Variants in FAM83F observed in about 807,000 individuals in gnomAD.
The protein encoded by FAM83F is scaffolding CK1 anchoring protein F.
In FAM83F, 45 loss-of-function variants were observed where a neutral mutation model predicts 42.9. The observed-to-expected ratio is 1.05, with a 90% CI of 0.83 to 1.35. FAM83F has a LOEUF of 1.35. Among genes scored for constraint, FAM83F ranks in the 40% most tolerant of loss-of-function variants. The pLI is 0.00. For synonymous variants in FAM83F, 306 were observed against 298.3 expected (o/e 1.03, Z -0.27); for missense variants, 617 against 695.9 (o/e 0.89, Z 1.28).
chr22:40,021,796 G>T lies in FAM83F; in HGVS notation c.1286G>T (p.Arg429Leu), dbSNP rs149330550. 4 of 1,611,894 alleles carry T rather than the reference G, an allele frequency of 2.5e-6. No homozygotes were observed. Among genetic ancestry groups the T allele is most frequent in the South Asian group, 2.2e-5 (2 of 90,962 alleles). ...PSRNGMGEAARGEAAPARRFS... is the reference protein window; with the variant it reads ...PSRNGMGEAALGEAAPARRFS... ...CGAAACGGCATGGGAGAAGCGGCCC[G>T]GGGGGAGGCCGCCCCCGCCAGGCGC... The change falls in exon 4 of 5, where the codon CGG becomes CTG. Residue 429 changes from arginine to leucine, a missense_variant. Transcript: ENST00000333407. The surrounding 1 kb of genome is among the most constrained non-coding windows in gnomAD (Gnocchi z 8.7).
Position 40,021,841 on chromosome 22 carries a change from G to T in FAM83F, c.1331G>T (p.Ser444Ile). ...AGGCGCTTCAGCAGCAGGCTCTTCA[G>T]TCGCCGAGCCAAGAGGCCTGCGGCG... ...PARRFSSRLFSRRAKRPAAPN... is the reference protein window; with the variant it reads ...PARRFSSRLFIRRAKRPAAPN... Residue 444 changes from serine to isoleucine, a missense_variant, in exon 4 of 5, where the codon AGT becomes ATT. Ser to Ile is a moderately radical substitution (Grantham distance 142). Coordinates refer to ENST00000333407, the MANE Select transcript of FAM83F (RefSeq NM_138435.4). This position sits in a 1 kb window ranked among gnomAD's most constrained non-coding sequence, Gnocchi z 8.7. 3.7e-6 allele frequency: 6 copies of T among 1,612,564 alleles called. No homozygotes were observed. Among genetic ancestry groups the T allele is most frequent in the Non-Finnish European group, 5.1e-6 (6 of 1,179,674 alleles).
Position 40,030,154 on chromosome 22 carries a change from A to G in FAM83F, c.*589A>G, listed in dbSNP as rs1321004731. 6.5e-6 allele frequency: 1 copy of G among 153,254 alleles called. No individual in the cohort carries two copies. Among genetic ancestry groups the G allele is most frequent in the Non-Finnish European group, 1.5e-5 (1 of 68,718 alleles). 9.5% of individuals were successfully genotyped at this position (153,254 alleles called of 1,614,324 possible). ...TGGCCCCATCCCTGCAGGCTCCTGA[A>G]CTAGACTTGAATGAGGGTAAGATCC... On this transcript the variant is annotated 3_prime_UTR_variant, in exon 5 of 5. Coordinates refer to ENST00000333407, the MANE Select transcript of FAM83F (RefSeq NM_138435.4).
Position 40,019,329 on chromosome 22 carries a change from G to A in FAM83F, c.651G>A (p.Arg217=). The change falls in exon 2 of 5, where the codon CGG becomes CGA. Residue 217 remains arginine (R), a synonymous_variant. Transcript: ENST00000333407. ...MCQDLQLTDF[R]IRNIRVRSVT... is the part of the protein sequence containing the mutation. ...AGGACCTGCAGCTCACTGACTTCCG[G>A]ATTCGGGTAAGTTGCACCACTGGGG... The A allele has an allele frequency of 6.2e-7, 1 of 1,613,780 alleles. No individual in the cohort carries two copies. Among genetic ancestry groups the A allele is most frequent in the Non-Finnish European group, 8.5e-7 (1 of 1,179,762 alleles).
Position 40,021,375 on chromosome 22 carries a change from C to G in FAM83F, c.865C>G (p.Arg289Gly), listed in dbSNP as rs761040921. 6.2e-7 allele frequency: 1 copy of G among 1,612,536 alleles called. No individual in the cohort carries two copies. The highest frequency in any genetic ancestry group is 8.5e-7 in the Non-Finnish European group (1 of 1,179,040). ...CGTAGAGCCCTTTGACACGGAGTTC[C>G]GGGAGCTGTACGCCATCTCCGAGGA... ...QNVEPFDTEF[R>G]ELYAISEEVD... Residue 289 changes from arginine (R) to glycine (G), a missense_variant, in exon 4 of 5, where the codon CGG becomes GGG. Transcript: ENST00000333407. This position sits in a 1 kb window ranked among gnomAD's most constrained non-coding sequence, Gnocchi z 8.7.
rs1422444169 is a variant in FAM83F at position 40,021,295 on chromosome 22, C to A, written c.785C>A (p.Thr262Asn). 2 of 1,540,170 alleles carry A rather than the reference C, an allele frequency of 1.3e-6. No individual in the cohort carries two copies. Among genetic ancestry groups the A allele is most frequent in the Non-Finnish European group, 1.8e-6 (2 of 1,137,932 alleles). The change falls in exon 4 of 5, where the codon ACC (threonine) becomes AAC (asparagine). Residue 262 changes from threonine to asparagine, a missense_variant. Transcript: ENST00000333407. The surrounding 1 kb of genome is among the most constrained non-coding windows in gnomAD (Gnocchi z 8.7). The part of the protein sequence containing the change: ...DKVATGSYRF[T>N]WSSSHVDRNL... ...TTCTGTCCCCACGTTCCCAGGTTCA[C>A]CTGGAGTTCCTCCCATGTGGACAGA...
intron 1 of FAM83F, among the ~76,000 whole-genome samples, chr22:40,001,842 G>A (rs187811490): frequency 2.0e-5 from 3 of 152,270 alleles, no homozygotes; most frequent in Admixed American, 2.0e-4. Context: ...CAGAAGTTAG[G>A]GAGCCCCACC....
At chr22:40,026,614 A>T (rs2067554514) in intron 4 of FAM83F, among the ~76,000 whole-genome samples, 1 of 152,198 alleles carries the variant, frequency 6.6e-6, no homozygotes, top group Non-Finnish European at 1.5e-5. Context: ...GGGGGCCGAG[A>T]GGAAGATGAC....
At position 39,995,373 on chromosome 22, in the gene FAM83F, C is replaced by T. The variant is rs1213611727; in HGVS notation, c.331C>T (p.Arg111Cys). 1.3e-6 allele frequency: 2 copies of T among 1,545,502 alleles called. No homozygotes were observed. The highest frequency in any genetic ancestry group is 1.7e-6 in the Non-Finnish European group (2 of 1,146,682). Residue 111 changes from arginine (R) to cysteine (C), a missense_variant, in exon 1 of 5, where the codon CGT becomes TGT. Physicochemically the swap from Arg to Cys is radical, Grantham distance 180 (BLOSUM62 -3). Transcript: ENST00000333407. This position sits in a 1 kb window ranked among gnomAD's most constrained non-coding sequence, Gnocchi z 4.6. Reference sequence around the variant, plus strand: ...CGAGTCCCTGGCCTACTGGCCCGACCGTTCCGACACCGAGGTGCCTCCTCT... The same window carrying T: ...CGAGTCCCTGGCCTACTGGCCCGACTGTTCCGACACCGAGGTGCCTCCTCT... ...SGESLAYWPDRSDTEVPPLDL... is the reference protein window; with the variant it reads ...SGESLAYWPDCSDTEVPPLDL...
chr22:40,042,154 G>C lies in FAM83F; in HGVS notation c.*12589G>C, dbSNP rs1183448151. 4 of 152,108 alleles carry C rather than the reference G, an allele frequency of 2.6e-5. No individual in the cohort carries two copies. The highest frequency in any genetic ancestry group is 9.7e-5 in the African/African-American group (4 of 41,428). The allele number at this position is 152,108 out of a possible 1,614,324, so 9.4% of individuals were successfully genotyped here. A position where few individuals can be genotyped will look rare whatever the true frequency, so the allele number is the denominator to read the frequency against. On this transcript the variant is annotated 3_prime_UTR_variant, in exon 5 of 5. Coordinates refer to ENST00000333407, the MANE Select transcript of FAM83F (RefSeq NM_138435.4). The stretch of plus-strand genomic sequence containing the variant: ...TGGGATTACAAGCATAAGCCAATGT[G>C]CCTGGCCTCAATGTTACTTTTATGA...
At chr22:40,009,382 G>A (rs1365962993) in intron 1 of FAM83F, among the ~76,000 whole-genome samples, 1 of 152,196 alleles carries the variant, frequency 6.6e-6, no homozygotes, top group Non-Finnish European at 1.5e-5. Context: ...TGAGCTCCAC[G>A]TCAGCAGGGC....
intron 1 of FAM83F, among the ~76,000 whole-genome samples, chr22:40,010,334 G>A (rs958591929): frequency 1.3e-5 from 2 of 152,204 alleles, no homozygotes; most frequent in Non-Finnish European, 2.9e-5. Flanking sequence ...GTTCCCCTGG[G>A]CCTGACACTG....
chr22:40,001,638 C>T (rs925317978), intron 1 of FAM83F, among the ~76,000 whole-genome samples: 4 of 151,894 alleles, frequency 2.6e-5, no homozygotes, highest in Non-Finnish European at 5.9e-5. Flanking sequence ...CAGAGTGAAA[C>T]TCTATCTCAA....
rs903190786 is a variant in FAM83F, at chr22:39,995,579, C to A, written c.489+48C>A. 8.1e-6 allele frequency: 12 copies of A among 1,483,638 alleles called. No homozygotes were observed. In the African/African-American group the frequency reaches 1.1e-4, roughly 14 times the overall value. 91.9% of individuals were successfully genotyped at this position (1,483,638 alleles called of 1,614,324 possible). On this transcript the variant is annotated intron_variant, in intron 1 of 4. Transcript: ENST00000333407. The surrounding 1 kb of genome is among the most constrained non-coding windows in gnomAD (Gnocchi z 4.6). ...ACACCGCTGGGACCTCGGCCCCAGT[C>A]CCCTGGACCGGGCCCCACCTCCCAG...
chr22:40,004,600 G>T lies in FAM83F; in HGVS notation c.489+9069G>T, dbSNP rs946879871. 2.6e-5 allele frequency among the ~76,000 whole-genome samples: 4 copies of T among 152,226 alleles called. No individual in the cohort carries two copies. The Middle Eastern group carries it at 0.014, about 518-fold the overall frequency. ...TTACAGGTGTGAGCCACCGCACCCA[G>T]CTAATTTTTTATTTTTAGTAGAGAT... On this transcript the variant is annotated intron_variant, in intron 1 of 4. Transcript: ENST00000333407.
rs1040211403 is a variant in FAM83F at position 40,038,086 on chromosome 22, G to T, written c.*8521G>T. 1.3e-5 allele frequency: 2 copies of T among 152,206 alleles called. No homozygotes were observed. 9.4% of individuals were successfully genotyped at this position (152,206 alleles called of 1,614,324 possible). On this transcript the variant is annotated 3_prime_UTR_variant, in exon 5 of 5. Coordinates refer to ENST00000333407, the MANE Select transcript of FAM83F (RefSeq NM_138435.4). Reference sequence around the variant, plus strand: ...CAAACGAACTTATTGAGAACTTACTGTGTTCCAGGCACTGTGATAAGATAG... The same window carrying T: ...CAAACGAACTTATTGAGAACTTACTTTGTTCCAGGCACTGTGATAAGATAG...
intron 1 of FAM83F, among the ~76,000 whole-genome samples, chr22:39,997,541 T>TCACCTCCCTCTCTAAA (rs2067377977): frequency 6.6e-6 from 1 of 152,174 alleles, no homozygotes; most frequent in Admixed American, 6.5e-5. Flanking sequence ...GCTTAACAAA[T>TCACCTCCCTCTCTAAA]GCTAGGGCTC....
Position 40,019,232 on chromosome 22 carries a change from C to T in FAM83F, c.554C>T (p.Ala185Val). 6.2e-7 allele frequency: 1 copy of T among 1,614,178 alleles called. No individual in the cohort carries two copies. Among genetic ancestry groups the T allele is most frequent in the Non-Finnish European group, 8.5e-7 (1 of 1,180,036 alleles). The change falls in exon 2 of 5, where the codon GCC (alanine) becomes GTC (valine). Residue 185 changes from alanine (A) to valine (V), a missense_variant. Physicochemically the swap from Ala to Val is moderately conservative, Grantham distance 64. Transcript: ENST00000333407. Reference sequence around the variant, plus strand: ...ATCTTTCAAGACATTGTGGATGCTGCCTGTAAGCGCCGGGTCCCAGTGTAC... The same window carrying T: ...ATCTTTCAAGACATTGTGGATGCTGTCTGTAAGCGCCGGGTCCCAGTGTAC... Reference protein sequence around the residue: ...GDIFQDIVDAACKRRVPVYII... With the variant: ...GDIFQDIVDAVCKRRVPVYII...
intron 1 of FAM83F, 59 bp from the exon 2 acceptor site, chr22:40,019,109 G>A: frequency 6.3e-7 from 1 of 1,593,410 alleles, no homozygotes. Flanking sequence ...ATCTGAGCAG[G>A]GCATGCCTCT....
chr22:40,006,554 C>T (rs900227438), intron 1 of FAM83F, among the ~76,000 whole-genome samples: 1 of 152,238 alleles, frequency 6.6e-6, no homozygotes, highest in Non-Finnish European at 1.5e-5. Flanking sequence ...CAACAAAGAG[C>T]ATTCCCATCA....
Sources: gnomAD v4.1 joint callset for allele counts (sites outside exome capture counted in the v4.1 genomes callset) on GRCh38, gnomAD v4.1.1 for gene constraint, Gnocchi (gnomAD v3.1) non-coding constraint, MANE v1.5 for transcripts, NCBI Gene and HGNC (gene_info 2026-07-23, HGNC 2026-07-21) for gene names.